Variants in COL26A1 observed in about 807,000 individuals in gnomAD.
COL26A1 encodes collagen type XXVI alpha 1 chain.
In COL26A1, 41 loss-of-function variants were observed where a neutral mutation model predicts 59.3. The ratio of observed to expected loss-of-function variants is 0.69; its 90% CI spans 0.54 to 0.90. The LOEUF (loss-of-function observed/expected upper bound fraction) is 0.90. Ranked by LOEUF, COL26A1 falls within the 40% of genes least tolerant of loss-of-function variation. COL26A1 has a pLI of 0.00. For missense variants in COL26A1, 612 were observed against 602.3 expected (o/e 1.02, Z -0.17); for synonymous variants, 266 against 256.0 (o/e 1.04, Z -0.37).
intron 1 of COL26A1, among the ~76,000 whole-genome samples, chr7:101,364,276 C>A (rs6465799): frequency 0.58 from 88,133 of 151,988 alleles, 27,131 homozygotes; most frequent in African/African-American, 0.8. Context: ...ACAACCTACA[C>A]AGCTATGACA....
chr7:101,395,787 G>A (rs1257409679), intron 1 of COL26A1, among the ~76,000 whole-genome samples: 4 of 152,152 alleles, frequency 2.6e-5, no homozygotes, highest in Non-Finnish European at 4.4e-5. Context: ...TTTAATCACC[G>A]CTGAAAACAA....
At chr7:101,546,334 A>G (rs1000824999) in intron 7 of COL26A1, among the ~76,000 whole-genome samples, 8 of 152,122 alleles carry the variant, frequency 5.3e-5, no homozygotes, top group Non-Finnish European at 1.2e-4. Flanking sequence ...TCCTGGGCTC[A>G]AGGGATCCTC....
At chr7:101,402,909 A>C (rs1471701264) in intron 1 of COL26A1, among the ~76,000 whole-genome samples, 2 of 151,334 alleles carry the variant, frequency 1.3e-5, no homozygotes, top group African/African-American at 4.9e-5. Context: ...GTGGTGGTGC[A>C]ATCTCAGCTC....
At chr7:101,442,240 C>CT (rs5886178) in intron 2 of COL26A1, among the ~76,000 whole-genome samples, 116,403 of 151,964 alleles carry the variant, frequency 0.77, 45,181 homozygotes, top group Middle Eastern at 0.87. Flanking sequence ...TAAACAAAAG[C>CT]TCTCCTCTGT....
chr7:101,494,870 T>C (rs1794547974), intron 3 of COL26A1, among the ~76,000 whole-genome samples: 1 of 152,142 alleles, frequency 6.6e-6, no homozygotes, highest in Non-Finnish European at 1.5e-5. Context: ...AGCGAGACCC[T>C]CTCTCTGAAT....
At chr7:101,377,513 A>T (rs534992736) in intron 1 of COL26A1, among the ~76,000 whole-genome samples, 15 of 136,222 alleles carry the variant, frequency 1.1e-4, no homozygotes, top group Middle Eastern at 3.7e-3. Flanking sequence ...TGCAGCCTTG[A>T]CTGTCTGGAC....
At chr7:101,527,626 G>T (rs533435528) in intron 3 of COL26A1, among the ~76,000 whole-genome samples, 1 of 152,060 alleles carries the variant, frequency 6.6e-6, no homozygotes, top group South Asian at 2.1e-4. Context: ...GAGCCACCAC[G>T]CCAGCCTGTG....
At chr7:101,416,112 A>G (rs1307154004) in intron 1 of COL26A1, among the ~76,000 whole-genome samples, 1 of 143,328 alleles carries the variant, frequency 7.0e-6, no homozygotes, top group East Asian at 1.9e-4. Context: ...ACCTGAGTTT[A>G]GCAGGGCATG....
chr7:101,397,317 TTCA>T (rs1791878381), intron 1 of COL26A1, among the ~76,000 whole-genome samples: 2 of 152,178 alleles, frequency 1.3e-5, no homozygotes, highest in South Asian at 4.1e-4. Context: ...TTCACAAATG[TTCA>T]TTGAACAGAG....
At chr7:101,403,614 G>C (rs1177931149) in intron 1 of COL26A1, among the ~76,000 whole-genome samples, 1 of 152,148 alleles carries the variant, frequency 6.6e-6, no homozygotes, top group Non-Finnish European at 1.5e-5. Flanking sequence ...CTGGCCTCAA[G>C]TGATGCTCCT....
At chr7:101,395,969 T>A (rs1791846274) in intron 1 of COL26A1, among the ~76,000 whole-genome samples, 1 of 152,114 alleles carries the variant, frequency 6.6e-6, no homozygotes, top group African/African-American at 2.4e-5. Flanking sequence ...GCTTGAAAAC[T>A]CCTGGTGGCC....
At position 101,364,949 on chromosome 7, in the gene COL26A1, T is replaced by C. The variant is rs531742764; in HGVS notation, c.158+1759T>C. Reference sequence around the variant, plus strand: ...CCTAGTTCTTTTTTTCTCCTTGATATTTACCAAATCAGAGGACTCCAAGAT... The same window carrying C: ...CCTAGTTCTTTTTTTCTCCTTGATACTTACCAAATCAGAGGACTCCAAGAT... On this transcript the variant is annotated intron_variant, in intron 1 of 12. Transcript: ENST00000313669. Among the ~76,000 whole-genome samples, 7 of 152,284 alleles carry C rather than the reference T, an allele frequency of 4.6e-5. No homozygotes were observed. The East Asian group carries it at 1.4e-3, about 29-fold the overall frequency.
chr7:101,397,152 GGCTCCT>G (rs1260451551), intron 1 of COL26A1, among the ~76,000 whole-genome samples: 1 of 152,116 alleles, frequency 6.6e-6, no homozygotes, highest in East Asian at 1.9e-4. Flanking sequence ...ACCTTCTAAG[GGCTCCT>G]GTGCACTGCA....
rs916929704 is a variant in COL26A1, at chr7:101,499,197, T to C, written c.386-33885T>C. ...GGACTGTGTGTCCACAGCCTCGACCTTCTGCATCCTCCCAGCCATCACAAG... is the reference window on the plus strand; with the variant it reads ...GGACTGTGTGTCCACAGCCTCGACCCTCTGCATCCTCCCAGCCATCACAAG... On this transcript the variant is annotated intron_variant, in intron 3 of 12. Transcript: ENST00000313669. Among the ~76,000 whole-genome samples, 3 of 152,110 alleles carry C rather than the reference T, an allele frequency of 2.0e-5. No homozygotes were observed. The South Asian group carries it at 6.2e-4, about 32-fold the overall frequency.
At chr7:101,551,085 A>C in intron 9 of COL26A1, 23 bp from the exon 10 acceptor site, 1 of 1,552,882 alleles carries the variant, frequency 6.4e-7, no homozygotes, top group Non-Finnish European at 8.7e-7. Flanking sequence ...CAGGCCTCAC[A>C]CGCTTCCTTT....
intron 1 of COL26A1, among the ~76,000 whole-genome samples, chr7:101,365,463 G>A (rs558810007): frequency 1.2e-3 from 177 of 152,078 alleles, no homozygotes; most frequent in African/African-American, 3.9e-3. Flanking sequence ...GTCTCGCTCT[G>A]TCTCCCAGGC....
intron 3 of COL26A1, among the ~76,000 whole-genome samples, chr7:101,463,852 C>CT (rs1276494407): frequency 1.6e-5 from 2 of 124,424 alleles, no homozygotes; most frequent in East Asian, 5.0e-4. Context: ...CTCCCTCCCT[C>CT]TTTTTTCTCT....
chr7:101,404,701 G>A (rs986973982), intron 1 of COL26A1, among the ~76,000 whole-genome samples: 2 of 152,154 alleles, frequency 1.3e-5, no homozygotes, highest in African/African-American at 2.4e-5. Context: ...CTCAAGACCA[G>A]CCTAGGCTAT....
intron 4 of COL26A1, among the ~76,000 whole-genome samples, chr7:101,534,962 C>CA (rs1795451289): frequency 6.6e-6 from 1 of 152,232 alleles, no homozygotes; most frequent in South Asian, 2.1e-4. Context: ...TTAGTGCTGT[C>CA]ACCCACGCCA....
Sources: gnomAD v4.1 joint callset for allele counts (sites outside exome capture counted in the v4.1 genomes callset) on GRCh38, gnomAD v4.1.1 for gene constraint, MANE v1.5 for transcripts, NCBI Gene and HGNC (gene_info 2026-07-23, HGNC 2026-07-21) for gene names.